Variants in PRKG1 observed in about 807,000 individuals in gnomAD.
PRKG1 encodes protein kinase cGMP-dependent 1.
A neutral mutation model predicts 88.1 loss-of-function variants in PRKG1; 35 were observed. That is an observed-to-expected ratio of 0.40 (90% CI 0.30 to 0.53). The LOEUF (loss-of-function observed/expected upper bound fraction) is 0.53, where lower values mean the gene tolerates loss of function less well. Ranked by LOEUF, PRKG1 falls within the 20% of genes least tolerant of loss-of-function variation. The pLI, the probability that PRKG1 is intolerant of heterozygous loss-of-function variation, is 0.59. For missense variants in PRKG1, 540 were observed against 839.8 expected, an observed-to-expected ratio of 0.64 and a Z score of 4.41; for synonymous variants, 303 against 292.5, an observed-to-expected ratio of 1.04 and a Z score of -0.37.
chr10:51,765,443 C>A (rs556059317), intron 3 of PRKG1, among the ~76,000 whole-genome samples: 6 of 152,264 alleles, frequency 3.9e-5, no homozygotes, highest in Admixed American at 3.9e-4. Flanking sequence ...ATAATCAAAT[C>A]TTCTATGATT....
chr10:52,150,177 A>ATTATTATTATTATTATTATT (rs1554810273), intron 8 of PRKG1, among the ~76,000 whole-genome samples: 29 of 106,776 alleles, frequency 2.7e-4, no homozygotes, highest in African/African-American at 8.7e-4. Context: ...TAATAATAAT[A>ATTATTATTATTATTATTATT]ATAATAATTT....
intron 2 of PRKG1, among the ~76,000 whole-genome samples, chr10:51,318,125 A>T (rs1841368728): frequency 6.6e-6 from 1 of 152,090 alleles, no homozygotes; most frequent in Non-Finnish European, 1.5e-5. Context: ...CAGAAATTAC[A>T]CTCTACTTAC....
At position 51,616,855 on chromosome 10, in the gene PRKG1, A is replaced by G. The variant is rs991345386; in HGVS notation, c.592+149019A>G. ...GGAACATGCACACCACTTGCTCCTC[A>G]GGACCAAAAAGGTGGTGACCTATTC... On this transcript the variant is annotated intron_variant, in intron 3 of 17. Transcript: ENST00000373980. Among the ~76,000 whole-genome samples the G allele has an allele frequency of 2.4e-4, 36 of 152,144 alleles. 1 individual carries two copies. Among genetic ancestry groups the G allele is most frequent in the Non-Finnish European group, 4.4e-5 (3 of 68,026 alleles).
At chr10:51,632,171 GTTC>G (rs539734720) in intron 3 of PRKG1, among the ~76,000 whole-genome samples, 6 of 152,148 alleles carry the variant, frequency 3.9e-5, no homozygotes, top group African/African-American at 9.6e-5. Flanking sequence ...GCCCAAGACA[GTTC>G]TTCTTCTTCT....
chr10:51,832,080 T>A lies in PRKG1; in HGVS notation c.698+27390T>A, dbSNP rs562474848. ...GGTGAAAATATCAGGCATTTTTCAG[T>A]TGTTTAAAAATAATCAACTGTTTTC... On this transcript the variant is annotated intron_variant, in intron 4 of 17. Coordinates refer to ENST00000373980, the MANE Select transcript of PRKG1 (RefSeq NM_006258.4). 2.0e-5 allele frequency among the ~76,000 whole-genome samples: 3 copies of A among 152,298 alleles called. No individual in the cohort carries two copies. In the South Asian group the frequency reaches 6.2e-4, roughly 32 times the overall value.
intron 3 of PRKG1, among the ~76,000 whole-genome samples, chr10:51,601,282 C>A (rs1367930832): frequency 6.6e-6 from 1 of 151,764 alleles, no homozygotes; most frequent in Non-Finnish European, 1.5e-5. Context: ...TGATTGAGTC[C>A]AAGACTAAGT....
chr10:51,294,255 T>A (rs745689846), intron 2 of PRKG1, among the ~76,000 whole-genome samples: 1 of 152,178 alleles, frequency 6.6e-6, no homozygotes, highest in Non-Finnish European at 1.5e-5. Flanking sequence ...ACTTTTTTTC[T>A]TGTGCTTTGG....
chr10:51,695,867 CA>C (rs1394862172), intron 3 of PRKG1: 2 of 152,146 alleles, frequency 1.3e-5, no homozygotes, highest in Non-Finnish European at 2.9e-5. Flanking sequence ...TTGTATTAAA[CA>C]TTTTTTCATC....
rs376478045 is a variant in PRKG1, at chr10:51,941,229, T to C, written c.762+33659T>C. On this transcript the variant is annotated intron_variant, in intron 5 of 17. Transcript: ENST00000373980. ...TGCTTTCTTTTAAACAAATTTAAAA[T>C]ATTTGGAAAATGCAAAAGATAATAA... Among the ~76,000 whole-genome samples the C allele has an allele frequency of 5.9e-5, 9 of 152,044 alleles. No individual in the cohort carries two copies. In the East Asian group the frequency reaches 1.7e-3, roughly 29 times the overall value.
intron 9 of PRKG1, among the ~76,000 whole-genome samples, chr10:52,250,047 C>A (rs896689999): frequency 2.0e-5 from 3 of 152,098 alleles, no homozygotes; most frequent in African/African-American, 4.8e-5. Flanking sequence ...GTCAACTTTG[C>A]CGCTAGCCCT....
intron 7 of PRKG1, among the ~76,000 whole-genome samples, chr10:52,078,727 T>C (rs1310014752): frequency 6.6e-6 from 1 of 152,248 alleles, no homozygotes. Flanking sequence ...TAAAGCAGAG[T>C]GAGTCATTAC....
At chr10:51,204,421 AT>A (rs1468905371) in intron 2 of PRKG1, among the ~76,000 whole-genome samples, 4 of 145,890 alleles carry the variant, frequency 2.7e-5, no homozygotes, top group East Asian at 4.0e-4. Flanking sequence ...TTGTGCTCCC[AT>A]TTTTTTTCCC....
intron 5 of PRKG1, among the ~76,000 whole-genome samples, chr10:51,990,526 T>A (rs1049510512): frequency 1.5e-4 from 23 of 152,128 alleles, no homozygotes; most frequent in Admixed American, 3.9e-4. Flanking sequence ...TTATGGTATT[T>A]AATATAAATT....
intron 1 of PRKG1, among the ~76,000 whole-genome samples, chr10:51,108,996 T>C (rs905780147): frequency 2.0e-5 from 3 of 151,982 alleles, no homozygotes; most frequent in African/African-American, 4.8e-5. Flanking sequence ...TACAATATCA[T>C]AAAAATATAA....
intron 9 of PRKG1, chr10:52,231,190 G>A (rs979197677): frequency 3.9e-5 from 6 of 152,220 alleles, no homozygotes; most frequent in African/African-American, 1.4e-4. Context: ...TTGAGCCCAG[G>A]AATTTGAAAT....
chr10:51,110,595 T>C (rs1844959214), intron 1 of PRKG1, among the ~76,000 whole-genome samples: 2 of 152,072 alleles, frequency 1.3e-5, no homozygotes, highest in African/African-American at 4.8e-5. Flanking sequence ...GAGTGAGATG[T>C]TTATTATCTT....
intron 1 of PRKG1, among the ~76,000 whole-genome samples, chr10:51,004,185 C>T (rs146026290): frequency 1.3e-4 from 20 of 152,166 alleles, no homozygotes; most frequent in Non-Finnish European, 2.1e-4. Flanking sequence ...GTATACTGGC[C>T]GGGCACGGTG....
intron 4 of PRKG1, among the ~76,000 whole-genome samples, chr10:51,833,062 ATGT>A (rs1840042960): frequency 6.6e-6 from 1 of 152,116 alleles, no homozygotes; most frequent in Admixed American, 6.6e-5. Flanking sequence ...TACTTAAATG[ATGT>A]TGTGATTGTC....
intron 1 of PRKG1, among the ~76,000 whole-genome samples, chr10:51,026,717 C>A (rs1190712765): frequency 5.3e-5 from 8 of 152,064 alleles, no homozygotes; most frequent in African/African-American, 1.9e-4. Flanking sequence ...TACATCTTAT[C>A]CTAGCAGTAA....
Sources: gnomAD v4.1 joint callset for allele counts (sites outside exome capture counted in the v4.1 genomes callset) on GRCh38, gnomAD v4.1.1 for gene constraint, MANE v1.5 for transcripts, NCBI Gene and HGNC (gene_info 2026-07-23, HGNC 2026-07-21) for gene names.